Variants in SORCS1 observed in about 807,000 individuals in gnomAD.
The protein encoded by SORCS1 is VPS10 domain-containing receptor SorCS1.
Under a neutral mutation model 146.1 loss-of-function variants are expected in SORCS1, and 60 were observed. The observed-to-expected ratio is 0.41, with a 90% confidence interval of 0.33 to 0.51. The LOEUF (loss-of-function observed/expected upper bound fraction) is 0.51. Ranked by LOEUF, SORCS1 falls within the 20% of genes least tolerant of loss-of-function variation. The pLI, the probability that SORCS1 is intolerant of heterozygous loss-of-function variation, is 0.21. For synonymous variants in SORCS1, 637 were observed against 584.0 expected (o/e 1.09, Z -1.31); for missense variants, 1,352 against 1,487.6 (o/e 0.91, Z 1.50).
intron 1 of SORCS1, among the ~76,000 whole-genome samples, chr10:106,992,153 C>T (rs572703010): frequency 3.9e-5 from 6 of 152,218 alleles, no homozygotes; most frequent in African/African-American, 1.4e-4. Context: ...GTATTTACTT[C>T]TCGGTACACA....
At chr10:106,933,131 A>T (rs1953503965) in intron 2 of SORCS1, among the ~76,000 whole-genome samples, 1 of 152,226 alleles carries the variant, frequency 6.6e-6, no homozygotes, top group Admixed American at 6.5e-5. Flanking sequence ...AAATGGCAAG[A>T]TGGGAGAACA....
intron 24 of SORCS1, among the ~76,000 whole-genome samples, chr10:106,596,226 TC>T (rs1313313042): frequency 6.6e-6 from 1 of 152,090 alleles, no homozygotes; most frequent in Non-Finnish European, 1.5e-5. Context: ...TGCCAATTCT[TC>T]CCATCCCACA....
At chr10:107,155,023 T>G (rs1720534597) in intron 1 of SORCS1, among the ~76,000 whole-genome samples, 1 of 152,198 alleles carries the variant, frequency 6.6e-6, no homozygotes, top group Non-Finnish European at 1.5e-5. Context: ...AATTATATTT[T>G]AAATCATGTG....
chr10:106,646,102 TA>T (rs1231811418), intron 18 of SORCS1, among the ~76,000 whole-genome samples: 4 of 151,714 alleles, frequency 2.6e-5, no homozygotes, highest in Admixed American at 2.6e-4. Context: ...TTGTCTCTAC[TA>T]AAAATACAAA....
rs1845023196 is a variant in SORCS1 at position 106,583,167 on chromosome 10, G to A, written c.3266-3693C>T. Among the ~76,000 whole-genome samples the A allele has an allele frequency of 2.0e-5, 3 of 152,294 alleles. No individual in the cohort carries two copies. The East Asian group carries it at 5.8e-4, about 29-fold the overall frequency. On this transcript the variant is annotated intron_variant, in intron 24 of 25. Coordinates refer to ENST00000263054, the MANE Select transcript of SORCS1 (RefSeq NM_052918.5). ...AAGTACTGTCATAGTATTTGGGACAGACTACATGCCCAATATTTCTAACAT... is the reference window on the plus strand; with the variant it reads ...AAGTACTGTCATAGTATTTGGGACAAACTACATGCCCAATATTTCTAACAT...
chr10:107,142,757 G>A (rs920267227), intron 1 of SORCS1, among the ~76,000 whole-genome samples: 15 of 152,140 alleles, frequency 9.9e-5, no homozygotes, highest in Non-Finnish European at 1.5e-4. Context: ...GGGTGACACT[G>A]ACAGGGTTAT....
chr10:107,047,301 T>C (rs1959597844), intron 1 of SORCS1, among the ~76,000 whole-genome samples: 1 of 152,172 alleles, frequency 6.6e-6, no homozygotes. Flanking sequence ...CATTCTGTTT[T>C]ATTTTAGATA....
intron 3 of SORCS1, among the ~76,000 whole-genome samples, chr10:106,789,262 C>T (rs1461819728): frequency 6.6e-6 from 1 of 152,200 alleles, no homozygotes; most frequent in Non-Finnish European, 1.5e-5. Context: ...CTCTGACATG[C>T]CCTGGAGACA....
At chr10:107,109,466 G>C in intron 1 of SORCS1, among the ~76,000 whole-genome samples, 1 of 152,148 alleles carries the variant, frequency 6.6e-6, no homozygotes, top group African/African-American at 2.4e-5. Context: ...CTATATCTGG[G>C]GCCCTCTGAG....
chr10:106,971,408 C>A (rs1955781471), intron 1 of SORCS1, among the ~76,000 whole-genome samples: 1 of 152,150 alleles, frequency 6.6e-6, no homozygotes, highest in South Asian at 2.1e-4. Context: ...CAGGCATTAA[C>A]AACATGTTTC....
At chr10:107,105,426 C>T (rs1322653251) in intron 1 of SORCS1, among the ~76,000 whole-genome samples, 1 of 152,192 alleles carries the variant, frequency 6.6e-6, no homozygotes, top group Non-Finnish European at 1.5e-5. Context: ...AGTCCCACAA[C>T]AGGCCATCTG....
intron 1 of SORCS1, among the ~76,000 whole-genome samples, chr10:107,132,970 C>T (rs546808411): frequency 1.3e-5 from 2 of 152,288 alleles, no homozygotes; most frequent in South Asian, 2.1e-4. Flanking sequence ...AATTTTGTTT[C>T]GTCCCCCTTA....
At chr10:106,714,503 G>C (rs1480464465) in intron 6 of SORCS1, among the ~76,000 whole-genome samples, 1 of 152,112 alleles carries the variant, frequency 6.6e-6, no homozygotes, top group Non-Finnish European at 1.5e-5. Context: ...TGGGTATAAA[G>C]TACATGTATT....
Position 106,956,513 on chromosome 10 carries a change from C to G in SORCS1, c.626G>C (p.Arg209Thr), listed in dbSNP as rs1394574487. 6.2e-7 allele frequency: 1 copy of G among 1,613,768 alleles called. No individual in the cohort carries two copies. Among genetic ancestry groups the G allele is most frequent in the Non-Finnish European group, 8.5e-7 (1 of 1,179,822 alleles). ...TTATTAGCTCCATTTATCTACATAC[C>G]TCCAAAGCGAGCTCTCTGTGATGCT... ...LGSITESSLW[R>T]STDYGTTYEK... Residue 209 changes from arginine (R) to threonine (T), a missense_variant and splice_region_variant, in exon 2 of 26, where the codon AGG becomes ACG. Transcript: ENST00000263054.
chr10:107,045,183 T>A (rs1012331234), intron 1 of SORCS1, among the ~76,000 whole-genome samples: 18 of 152,160 alleles, frequency 1.2e-4, no homozygotes, highest in African/African-American at 4.3e-4. Flanking sequence ...GACTTTTGTT[T>A]TAGGACAGTG....
intron 20 of SORCS1, among the ~76,000 whole-genome samples, chr10:106,618,480 C>A (rs1168740930): frequency 1.3e-5 from 2 of 152,144 alleles, no homozygotes; most frequent in East Asian, 3.9e-4. Context: ...AGCAAGTCTG[C>A]CTATTCATTG....
At chr10:106,937,331 C>A (rs1486616135) in intron 2 of SORCS1, among the ~76,000 whole-genome samples, 1 of 140,544 alleles carries the variant, frequency 7.1e-6, no homozygotes, top group Non-Finnish European at 1.5e-5. Context: ...CCACCATGCC[C>A]AGCTATTTTT....
intron 2 of SORCS1, among the ~76,000 whole-genome samples, chr10:106,941,954 C>T (rs887944808): frequency 6.6e-6 from 1 of 152,064 alleles, no homozygotes; most frequent in Admixed American, 6.6e-5. Context: ...TAGTGTTCCC[C>T]AAAGGTGTGG....
intron 1 of SORCS1, among the ~76,000 whole-genome samples, chr10:107,039,285 G>A (rs74602026): frequency 0.12 from 17,145 of 143,874 alleles, 1,100 homozygotes; most frequent in South Asian, 0.18. Context: ...CGTAGATCGC[G>A]TCACTGCACT....
Sources: allele counts gnomAD v4.1 joint callset (sites outside exome capture counted in the v4.1 genomes callset), GRCh38; gene constraint gnomAD v4.1.1; transcripts MANE v1.5; gene names NCBI Gene and HGNC (gene_info 2026-07-23, HGNC 2026-07-21).